The following HIPK2 variants were observed in gnomAD, a reference collection of about 807,000 sequenced individuals.
HIPK2 encodes the protein homeodomain interacting protein kinase 2, also known as homeodomain-interacting protein kinase 2.
In HIPK2, 27 loss-of-function variants were observed where a neutral mutation model predicts 113.7. The ratio of observed to expected loss-of-function variants is 0.24; its 90% confidence interval spans 0.17 to 0.33. The LOEUF (loss-of-function observed/expected upper bound fraction) is 0.33, where lower values mean the gene tolerates loss of function less well. Among genes scored for constraint, HIPK2 ranks in the 10% least tolerant of loss-of-function variants. HIPK2 has a pLI of 1.00. For missense variants in HIPK2, 1,257 were observed against 1,588.0 expected (o/e 0.79, Z 3.54); for synonymous variants, 631 against 642.2 (o/e 0.98, Z 0.26).
intron 1 of HIPK2, among the ~76,000 whole-genome samples, chr7:139,728,740 C>G (rs1795668156): frequency 6.6e-6 from 1 of 152,194 alleles, no homozygotes; most frequent in South Asian, 2.1e-4. Flanking sequence ...AAGCATTTTA[C>G]TAAAGTATAA....
rs764868804 is a variant in HIPK2, at chr7:139,716,589, T to G, written c.446A>C (p.Glu149Ala). The G allele has an allele frequency of 6.2e-7, 1 of 1,613,986 alleles. No homozygotes were observed. The highest frequency in any genetic ancestry group is 8.5e-7 in the Non-Finnish European group (1 of 1,179,888). Residue 149 changes from glutamate to alanine, a missense_variant, in exon 2 of 15, where the codon GAG becomes GCG. Physicochemically the swap from Glu to Ala is moderately radical, Grantham distance 107 (BLOSUM62 -1). Around this residue, in one of 5 missense-constraint regions of HIPK2, gnomAD observed 209 missense variants for 237.8 expected, o/e 0.88. Transcript: ENST00000406875. This position sits in a 1 kb window ranked among gnomAD's most constrained non-coding sequence, Gnocchi z 9.3. The part of the protein sequence containing the change: ...ENTSSVQIIE[E>A]HPPMIQNNAS... ...ATTATTCTGAATCATGGGTGGATGCTCCTCGATGATCTGCACGCTGCTTGT... is the reference window on the plus strand; with the variant it reads ...ATTATTCTGAATCATGGGTGGATGCGCCTCGATGATCTGCACGCTGCTTGT...
At chr7:139,704,789 C>A (rs1260527106) in intron 2 of HIPK2, among the ~76,000 whole-genome samples, 2 of 152,190 alleles carry the variant, frequency 1.3e-5, no homozygotes, top group East Asian at 3.9e-4. Flanking sequence ...GCCTCCAGCG[C>A]CCCGTCCCAC....
intron 13 of HIPK2, among the ~76,000 whole-genome samples, chr7:139,577,954 G>T (rs1433718387): frequency 6.6e-6 from 1 of 152,078 alleles, no homozygotes; most frequent in African/African-American, 2.4e-5. Context: ...AGGTTTAAGT[G>T]ATTCTCGTGC....
chr7:139,575,233 G>T lies in HIPK2; in HGVS notation c.3021C>A (p.Thr1007=). ...TCCCTGAAGAGTGACCGCTGGTGGA[G>T]GTCACGTTGCTGGAGGACTTGGACT... The part of the protein sequence containing the change: ...SYKSKSSSNV[T]STSGHSSGSS... The change falls in exon 14 of 15, where the codon ACC becomes ACA. Residue 1007 remains threonine, a synonymous_variant. Coordinates refer to ENST00000406875, the MANE Select transcript of HIPK2 (RefSeq NM_022740.5). 6.3e-7 allele frequency: 1 copy of T among 1,581,816 alleles called. No homozygotes were observed. Among genetic ancestry groups the T allele is most frequent in the East Asian group, 2.3e-5 (1 of 43,454 alleles).
intron 1 of HIPK2, among the ~76,000 whole-genome samples, chr7:139,732,139 A>G (rs533601075): frequency 6.6e-6 from 1 of 152,376 alleles, no homozygotes; most frequent in South Asian, 2.1e-4. Flanking sequence ...TTTGTAAACT[A>G]TAAAGCATAA....
intron 2 of HIPK2, among the ~76,000 whole-genome samples, chr7:139,654,022 T>G (rs1352041956): frequency 6.6e-6 from 1 of 152,158 alleles, no homozygotes. Context: ...CGTGAGCCAC[T>G]GTGCCCAGCC....
intron 2 of HIPK2, among the ~76,000 whole-genome samples, chr7:139,678,676 T>C (rs1279465524): frequency 1.3e-5 from 2 of 152,212 alleles, no homozygotes; most frequent in East Asian, 1.9e-4. Flanking sequence ...TTTGGTTCCA[T>C]ATGAAATTTA....
chr7:139,648,521 C>G (rs898161613), intron 2 of HIPK2, among the ~76,000 whole-genome samples: 9 of 152,320 alleles, frequency 5.9e-5, no homozygotes, highest in African/African-American at 1.9e-4. Flanking sequence ...ATACGGCACA[C>G]AGTCCCCAGC....
chr7:139,754,894 C>T (rs1453317767), intron 1 of HIPK2, among the ~76,000 whole-genome samples: 1 of 152,114 alleles, frequency 6.6e-6, no homozygotes, highest in African/African-American at 2.4e-5. Context: ...GATCACACAG[C>T]GAGTCTCTGA....
chr7:139,769,229 C>T (rs563183029), intron 1 of HIPK2, among the ~76,000 whole-genome samples: 47 of 152,328 alleles, frequency 3.1e-4, no homozygotes, highest in Non-Finnish European at 5.6e-4. Flanking sequence ...CAACAGCAGC[C>T]CTGCCCCAAC....
chr7:139,726,631 T>C (rs570296579), intron 1 of HIPK2, among the ~76,000 whole-genome samples: 1 of 152,332 alleles, frequency 6.6e-6, no homozygotes, highest in South Asian at 2.1e-4. Flanking sequence ...TGTCAGGAGC[T>C]AATGGTCTTT....
chr7:139,585,445 TG>T (rs1798802805), intron 12 of HIPK2, among the ~76,000 whole-genome samples: 1 of 152,238 alleles, frequency 6.6e-6, no homozygotes, highest in Admixed American at 6.5e-5. Flanking sequence ...ACATCTAGGC[TG>T]GATAATTCTT....
chr7:139,638,758 C>T (rs542349644), intron 2 of HIPK2, among the ~76,000 whole-genome samples: 12 of 151,162 alleles, frequency 7.9e-5, no homozygotes, highest in African/African-American at 2.4e-4. Flanking sequence ...CCCGGGTTCA[C>T]GCCATTCTCC....
chr7:139,583,695 G>A (rs927522111), intron 13 of HIPK2, 122 bp downstream of exon 13: 5 of 1,405,680 alleles, frequency 3.6e-6, no homozygotes, highest in African/African-American at 1.4e-5. Context: ...GGTAAGGGTC[G>A]CCTGCAGTCA....
chr7:139,622,856 A>C (rs1438002981), intron 6 of HIPK2, among the ~76,000 whole-genome samples: 1 of 152,206 alleles, frequency 6.6e-6, no homozygotes, highest in Non-Finnish European at 1.5e-5. Context: ...CTTGGGTCCC[A>C]GATGAAGTTC....
Position 139,572,902 on chromosome 7 carries a change from TCCC to T in HIPK2, c.*22_*24del. 3.3e-6 allele frequency: 1 copy of T among 301,386 alleles called. No homozygotes were observed. The allele number at this position is 301,386 out of a possible 1,614,324, so 18.7% of individuals were successfully genotyped here. On this transcript the variant is annotated 3_prime_UTR_variant, in exon 15 of 15. Transcript: ENST00000406875. ...TCCCTCGGGCCATTCTCTCCCTCCC[TCCC>T]TCCCTCCCTCCCCTCCAGTGTTTAT...
At chr7:139,666,367 C>G (rs539408295) in intron 2 of HIPK2, among the ~76,000 whole-genome samples, 6 of 152,184 alleles carry the variant, frequency 3.9e-5, no homozygotes, top group South Asian at 2.1e-4. Context: ...GCCTTCGCCA[C>G]GAAAGCACAG....
intron 7 of HIPK2, 50 bp from the exon 8 acceptor site, chr7:139,614,543 G>T: frequency 8.5e-7 from 1 of 1,174,314 alleles, no homozygotes; most frequent in East Asian, 2.9e-5. Context: ...TAAAAAATGA[G>T]GGAGGTGGCA....
At chr7:139,625,270 A>G (rs1172477796) in intron 6 of HIPK2, among the ~76,000 whole-genome samples, 1 of 152,170 alleles carries the variant, frequency 6.6e-6, no homozygotes, top group Non-Finnish European at 1.5e-5. Context: ...TTGGTCTTTC[A>G]ACCTGGTAAA....
Sources: allele counts gnomAD v4.1 joint callset (sites outside exome capture counted in the v4.1 genomes callset), GRCh38; gene constraint gnomAD v4.1.1; regional missense constraint gnomAD v4.1.1; non-coding constraint Gnocchi (gnomAD v3.1); transcripts MANE v1.5; gene names NCBI Gene and HGNC (gene_info 2026-07-23, HGNC 2026-07-21).